The following METTL21A variants were observed in gnomAD, a reference collection of about 807,000 sequenced individuals.
METTL21A encodes protein N-lysine methyltransferase METTL21A.
A neutral mutation model predicts 20.9 loss-of-function variants in METTL21A; 22 were observed. The observed-to-expected ratio is 1.05, with a 90% CI of 0.75 to 1.50. The LOEUF is 1.50. METTL21A is among the 40% of genes most tolerant of loss of function. The pLI is 0.00. For synonymous variants in METTL21A, 93 were observed against 102.0 expected (o/e 0.91, Z 0.53); for missense variants, 271 against 266.8 (o/e 1.02, Z -0.11).
chr2:207,621,109 G>GTCTA (rs1469602048), intron 3 of METTL21A, among the ~76,000 whole-genome samples: 2 of 152,162 alleles, frequency 1.3e-5, no homozygotes, highest in African/African-American at 2.4e-5. Flanking sequence ...TTGAAAGCTG[G>GTCTA]TCTACCCTTA....
intron 3 of METTL21A, chr2:207,601,383 A>G (rs1442847974): frequency 2.2e-5 from 4 of 185,742 alleles, no homozygotes; most frequent in Non-Finnish European, 3.4e-5. Context: ...TTTTTCATTG[A>G]TTAAAATATT....
intron 3 of METTL21A, among the ~76,000 whole-genome samples, chr2:207,591,784 C>G (rs1559074943): frequency 6.6e-6 from 1 of 152,058 alleles, no homozygotes; most frequent in Non-Finnish European, 1.5e-5. Flanking sequence ...CCTTTTTCTT[C>G]TCTGTTTATA....
chr2:207,613,171 C>T (rs746941050), exon 4 of METTL21A: 2 of 1,613,940 alleles, frequency 1.2e-6, no homozygotes, highest in East Asian at 2.2e-5. Context: ...TTATCCCGTT[C>T]ATAGCGAATT....
At chr2:207,594,168 T>G (rs1386201674) in intron 3 of METTL21A, among the ~76,000 whole-genome samples, 1 of 152,246 alleles carries the variant, frequency 6.6e-6, no homozygotes, top group African/African-American at 2.4e-5. Context: ...TGCTAAAGAA[T>G]AATTTTTAAT....
chr2:207,621,587 G>A (rs139774244), intron 3 of METTL21A, among the ~76,000 whole-genome samples: 115 of 152,352 alleles, frequency 7.5e-4, no homozygotes, highest in African/African-American at 2.7e-3. Context: ...CAGAGTGTGT[G>A]TGTGTGTGAG....
downstream of METTL21A, among the ~76,000 whole-genome samples, chr2:207,606,376 G>A (rs184037064): frequency 2.1e-3 from 321 of 152,288 alleles, 1 homozygote; most frequent in African/African-American, 7.3e-3. Context: ...CAGCTACTCG[G>A]GAGGCTGAGG....
intron 3 of METTL21A, among the ~76,000 whole-genome samples, chr2:207,589,312 C>T (rs938674491): frequency 6.6e-6 from 1 of 152,096 alleles, no homozygotes; most frequent in Non-Finnish European, 1.5e-5. Flanking sequence ...TGCCTCATGG[C>T]CCCCTTTCTC....
chr2:207,616,986 G>A (rs561058193), intron 3 of METTL21A, among the ~76,000 whole-genome samples: 1 of 152,186 alleles, frequency 6.6e-6, no homozygotes, highest in Admixed American at 6.5e-5. Flanking sequence ...GGTGTCAACC[G>A]TACATGAAGA....
chr2:207,599,608 C>G, intron 3 of METTL21A: 1 of 199,252 alleles, frequency 5.0e-6, no homozygotes, highest in Non-Finnish European at 1.0e-5. Flanking sequence ...AGAAATGTAT[C>G]CTGTTGCTAA....
At chr2:207,602,640 A>G (rs929820503) in intron 3 of METTL21A, 3 of 211,474 alleles carry the variant, frequency 1.4e-5, no homozygotes, top group East Asian at 7.1e-5. Flanking sequence ...GAAATGATCT[A>G]TCATTGTGTT....
intron 3 of METTL21A, among the ~76,000 whole-genome samples, chr2:207,588,259 G>T (rs1020354674): frequency 1.4e-4 from 22 of 151,968 alleles, no homozygotes; most frequent in African/African-American, 5.3e-4. Context: ...TTTTATATAG[G>T]AACATCCATT....
intron 3 of METTL21A, chr2:207,620,723 G>A: frequency 6.5e-7 from 1 of 1,529,696 alleles, no homozygotes; most frequent in Non-Finnish European, 8.7e-7. Context: ...GGAAACCTCT[G>A]TCAATTTACA....
downstream of METTL21A, among the ~76,000 whole-genome samples, chr2:207,604,191 AC>A (rs1405304199): frequency 9.9e-5 from 15 of 152,234 alleles, no homozygotes; most frequent in African/African-American, 3.4e-4. Context: ...TTGTCATTTG[AC>A]CAGGCACTGA....
chr2:207,622,881 C>G (rs1383024331), intron 2 of METTL21A, among the ~76,000 whole-genome samples: 1 of 151,868 alleles, frequency 6.6e-6, no homozygotes. Flanking sequence ...TGAGCATTTA[C>G]GAGTCTTCCC....
At chr2:207,612,912 A>G (rs2089159029) in exon 4 of METTL21A, 1 of 883,268 alleles carries the variant, frequency 1.1e-6, no homozygotes, top group Non-Finnish European at 1.7e-6. Context: ...AAAACTGCAC[A>G]TGTGCTTTCT....
chr2:207,597,152 T>A, intron 3 of METTL21A: 1 of 1,376,442 alleles, frequency 7.3e-7, no homozygotes, highest in Non-Finnish European at 9.7e-7. Context: ...TCTAAACATT[T>A]CTTTTTTTCT....
At chr2:207,586,357 G>A (rs1429081064) in intron 3 of METTL21A, among the ~76,000 whole-genome samples, 1 of 152,106 alleles carries the variant, frequency 6.6e-6, no homozygotes, top group African/African-American at 2.4e-5. Context: ...TGGGAAACCT[G>A]GATATCTGTG....
exon 4 of METTL21A, chr2:207,582,044 G>A (rs976442188): frequency 2.0e-5 from 14 of 699,792 alleles, no homozygotes; most frequent in Non-Finnish European, 3.7e-5. Context: ...ATACATAATT[G>A]GCGATATTAA....
At chr2:207,604,286 TTAACA>T (rs2087663763), downstream of METTL21A, among the ~76,000 whole-genome samples, 3 of 152,218 alleles carry the variant, frequency 2.0e-5, no homozygotes, top group South Asian at 4.1e-4. Context: ...CACTGAAGAC[TTAACA>T]TATGTCTTTT....
Sources: allele counts gnomAD v4.1 joint callset (sites outside exome capture counted in the v4.1 genomes callset), GRCh38; gene constraint gnomAD v4.1.1; transcripts MANE v1.5; gene names NCBI Gene and HGNC (gene_info 2026-07-23, HGNC 2026-07-21).